The following ADAMDEC1 variants were observed in gnomAD, a reference collection of about 807,000 sequenced individuals.
The protein encoded by ADAMDEC1 is ADAM like decysin 1.
In ADAMDEC1, 62 loss-of-function variants were observed where a neutral mutation model predicts 60.4. The ratio of observed to expected loss-of-function variants is 1.03; its 90% CI spans 0.84 to 1.27. ADAMDEC1 has a LOEUF of 1.27. Ranked by LOEUF, ADAMDEC1 falls within the 50% of genes most tolerant of loss-of-function variation. The pLI is 0.00. For missense variants in ADAMDEC1, 595 were observed against 565.0 expected, an observed-to-expected ratio of 1.05 and a Z score of -0.54; for synonymous variants, 210 against 195.1, an observed-to-expected ratio of 1.08 and a Z score of -0.64.
At chr8:24,391,373 A>C (rs1423024568) in intron 1 of ADAMDEC1, among the ~76,000 whole-genome samples, 6 of 152,196 alleles carry the variant, frequency 3.9e-5, no homozygotes, top group Admixed American at 3.9e-4. Flanking sequence ...TAGGGTACTA[A>C]ATAATTTTAT....
chr8:24,392,228 A>G, intron 1 of ADAMDEC1, 34 bp from the exon 2 acceptor site: 1 of 1,517,706 alleles, frequency 6.6e-7, no homozygotes, highest in Non-Finnish European at 9.0e-7. Context: ...AAACCTTTAA[A>G]TCTTTTATGT....
In ADAMDEC1 at chr8:24,397,730, G is replaced by A. The variant is rs1239116099; in HGVS notation, c.675G>A (p.Val225=). The stretch of plus-strand genomic sequence containing the variant: ...AGAAATACATTGATCTCTATTTGGT[G>A]CTGGATAATGCCTTTGTGAGTATGA... The part of the protein sequence containing the change: ...RAQKYIDLYL[V]LDNAFYKNYN... The change falls in exon 7 of 14, where the codon GTG becomes GTA. Residue 225 remains valine, a synonymous_variant. Coordinates refer to ENST00000256412, the MANE Select transcript of ADAMDEC1 (RefSeq NM_014479.3). 6.2e-7 allele frequency: 1 copy of A among 1,613,342 alleles called. No homozygotes were observed. The highest frequency in any genetic ancestry group is 1.1e-5 in the South Asian group (1 of 90,958).
At chr8:24,404,812 A>C (rs1817849571) in intron 13 of ADAMDEC1, among the ~76,000 whole-genome samples, 1 of 152,204 alleles carries the variant, frequency 6.6e-6, no homozygotes, top group Non-Finnish European at 1.5e-5. Flanking sequence ...TTCATAGGGA[A>C]TGGATAGGCA....
At chr8:24,398,755 C>A in intron 8 of ADAMDEC1, 119 bp from the exon 9 acceptor site, 2 of 1,184,464 alleles carry the variant, frequency 1.7e-6, no homozygotes, top group Admixed American at 2.6e-5. Context: ...TTTTTACTTT[C>A]AAAATGGAAA....
At chr8:24,386,297 T>A (rs1817290228) in intron 1 of ADAMDEC1, among the ~76,000 whole-genome samples, 1 of 152,226 alleles carries the variant, frequency 6.6e-6, no homozygotes, top group African/African-American at 2.4e-5. Context: ...AAATTATTCT[T>A]CTTTCAATCT....
In ADAMDEC1 at chr8:24,400,255, A is replaced by T. The variant is rs140087766; in HGVS notation, c.1097A>T (p.Asn366Ile). ...CTTGGTATGCCTGATGTTCCATTCA[A>T]CACCAAGTGTCCCTCTGGCAGTTGT... ...HVLGMPDVPF[N>I]TKCPSGSCVM... Residue 366 changes from asparagine (N) to isoleucine (I), a missense_variant, in exon 11 of 14, where the codon AAC becomes ATC. Physicochemically the swap from Asn to Ile is moderately radical, Grantham distance 149. Transcript: ENST00000256412. 5.9e-5 allele frequency: 95 copies of T among 1,612,034 alleles called. No homozygotes were observed. Among genetic ancestry groups the T allele is most frequent in the African/African-American group, 4.5e-4 (34 of 74,976 alleles).
At position 24,394,098 on chromosome 8, in the gene ADAMDEC1, C is replaced by T; in HGVS notation, c.314C>T (p.Thr105Ile). The change falls in exon 4 of 14, where the codon ACA becomes ATA. Residue 105 changes from threonine (T) to isoleucine (I), a missense_variant. Transcript: ENST00000256412. The stretch of plus-strand genomic sequence containing the variant: ...CTCCTGGGGCCAGACTACACTGAAA[C>T]ATTGTACTCACCCAGAGGAGAGGAA... Reference protein sequence around the residue: ...KHLLGPDYTETLYSPRGEEIT... With the variant: ...KHLLGPDYTEILYSPRGEEIT... 6.2e-7 allele frequency: 1 copy of T among 1,613,524 alleles called. No homozygotes were observed. Among genetic ancestry groups the T allele is most frequent in the Non-Finnish European group, 8.5e-7 (1 of 1,179,570 alleles).
chr8:24,397,010 A>C (rs114118207), intron 5 of ADAMDEC1, among the ~76,000 whole-genome samples: 2,596 of 152,320 alleles, frequency 0.017, 78 homozygotes, highest in African/African-American at 0.06. Flanking sequence ...AATATTTACC[A>C]CGGTGCAAAT....
rs755449246 is a variant in ADAMDEC1 at position 24,393,318 on chromosome 8, T to C, written c.264T>C (p.Ile88=). 8 of 1,605,130 alleles carry C rather than the reference T, an allele frequency of 5.0e-6. No homozygotes were observed. In the Admixed American group the frequency reaches 5.1e-5, roughly 10 times the overall value. The change falls in exon 3 of 14, where the codon ATT becomes ATC. Residue 88 remains isoleucine (I), a synonymous_variant. Coordinates refer to ENST00000256412, the MANE Select transcript of ADAMDEC1 (RefSeq NM_014479.3). ...YQMILNGEEI[I]LSLQKTKHLL... The stretch of plus-strand genomic sequence containing the variant: ...TGATCTTAAATGGAGAAGAAATCAT[T>C]CTCTCCCTACAAAAAACCAAGTAAG...
In ADAMDEC1 at chr8:24,398,915, G is replaced by A. The variant is rs772161459; in HGVS notation, c.804G>A (p.Met268Ile). The A allele has an allele frequency of 1.8e-5, 29 of 1,613,768 alleles. No homozygotes were observed. The South Asian group carries it at 2.9e-4, about 16-fold the overall frequency. Residue 268 changes from methionine (M) to isoleucine (I), a missense_variant, in exon 9 of 14, where the codon ATG becomes ATA. By Grantham distance (10) the Met-to-Ile change is conservative (BLOSUM62 1). Transcript: ENST00000256412. Reference protein sequence around the residue: ...TIDVQVALVGMEIWSDGDKIK... With the variant: ...TIDVQVALVGIEIWSDGDKIK... Reference sequence around the variant, plus strand: ...ATGTTCAAGTGGCCTTGGTAGGTATGGAAATCTGGTCTGATGGGGATAAGA... The same window carrying A: ...ATGTTCAAGTGGCCTTGGTAGGTATAGAAATCTGGTCTGATGGGGATAAGA...
At position 24,404,106 on chromosome 8, in the gene ADAMDEC1, C is replaced by T. The variant is rs1464581919; in HGVS notation, c.1406+18C>T. 4 of 1,609,110 alleles carry T rather than the reference C, an allele frequency of 2.5e-6. No homozygotes were observed. Among genetic ancestry groups the T allele is most frequent in the Non-Finnish European group, 3.4e-6 (4 of 1,177,484 alleles). ...CATACCACGTAAGACCTTTTGTTTTCTTTGTTCCAAAACGTTTTCTCACGT... is the reference window on the plus strand; with the variant it reads ...CATACCACGTAAGACCTTTTGTTTTTTTTGTTCCAAAACGTTTTCTCACGT... On this transcript the variant is annotated intron_variant, in intron 13 of 13. Coordinates refer to ENST00000256412, the MANE Select transcript of ADAMDEC1 (RefSeq NM_014479.3).
In ADAMDEC1 at chr8:24,403,990, G is replaced by A; in HGVS notation, c.1321-13G>A. 1.2e-6 allele frequency: 2 copies of A among 1,610,372 alleles called. No individual in the cohort carries two copies. The highest frequency in any genetic ancestry group is 1.7e-6 in the Non-Finnish European group (2 of 1,177,574). On this transcript the variant is annotated splice_polypyrimidine_tract_variant and intron_variant, in intron 12 of 13. Transcript: ENST00000256412. ...TTGAACCCACCTTTTTCCATTGTGT[G>A]TGTGCTTTGAAGGAGTGTACCAATC...
At chr8:24,396,474 T>C (rs1817616211) in intron 5 of ADAMDEC1, among the ~76,000 whole-genome samples, 2 of 152,160 alleles carry the variant, frequency 1.3e-5, no homozygotes, top group African/African-American at 2.4e-5. Flanking sequence ...ATAGCTCCAC[T>C]GCACTCTAGC....
chr8:24,405,609 C>T lies in ADAMDEC1; in HGVS notation c.*311C>T. 3.2e-6 allele frequency: 1 copy of T among 315,406 alleles called. No individual in the cohort carries two copies. The highest frequency in any genetic ancestry group is 5.7e-6 in the Non-Finnish European group (1 of 174,060). 19.5% of individuals were successfully genotyped at this position (315,406 alleles called of 1,614,324 possible). A position where few individuals can be genotyped will look rare whatever the true frequency, so the allele number is the denominator to read the frequency against. On this transcript the variant is annotated 3_prime_UTR_variant, in exon 14 of 14. Transcript: ENST00000256412. ...TCTTCCATCAAATCACCTTAAAATG[C>T]ACGGCTAAACTATTCAGAGTTAACA...
intron 1 of ADAMDEC1, chr8:24,387,404 T>C (rs1409128461): frequency 3.9e-5 from 6 of 152,142 alleles, no homozygotes; most frequent in African/African-American, 9.7e-5. Flanking sequence ...CTTTTTAGGC[T>C]CTTCTGTGTA....
Position 24,397,708 on chromosome 8 carries a change from A to G in ADAMDEC1, c.653A>G (p.Lys218Arg), listed in dbSNP as rs1275103497. The change falls in exon 7 of 14, where the codon AAA becomes AGA. Residue 218 changes from lysine (K) to arginine (R), a missense_variant. Coordinates refer to ENST00000256412, the MANE Select transcript of ADAMDEC1 (RefSeq NM_014479.3). Reference sequence around the variant, plus strand: ...AAAGAAGACTTTCTTCGGGCACAGAAATACATTGATCTCTATTTGGTGCTG... The same window carrying G: ...AAAGAAGACTTTCTTCGGGCACAGAGATACATTGATCTCTATTTGGTGCTG... ...PEKEDFLRAQ[K>R]YIDLYLVLDN... 1 of 1,613,606 alleles carries G rather than the reference A, an allele frequency of 6.2e-7. No individual in the cohort carries two copies. Among genetic ancestry groups the G allele is most frequent in the East Asian group, 2.2e-5 (1 of 44,796 alleles).
chr8:24,394,253 T>C (rs1817548629), intron 4 of ADAMDEC1, 106 bp downstream of exon 4: 3 of 866,710 alleles, frequency 3.5e-6, no homozygotes, highest in Admixed American at 5.1e-5. Flanking sequence ...ATAAAATTCA[T>C]AGGTCCATGA....
Position 24,405,519 on chromosome 8 carries a change from T to TC in ADAMDEC1, c.*222dup, listed in dbSNP as rs573418638. Reference sequence around the variant, plus strand: ...TCTTTTTACTTTTTTTTTTCTTTTTTCTTTTTTTTTAAAGATCATGAATTT... The same window carrying TC: ...TCTTTTTACTTTTTTTTTTCTTTTTTCCTTTTTTTTTAAAGATCATGAATTT... On this transcript the variant is annotated 3_prime_UTR_variant, in exon 14 of 14. Coordinates refer to ENST00000256412, the MANE Select transcript of ADAMDEC1 (RefSeq NM_014479.3). The TC allele has an allele frequency of 4.1e-6, 2 of 490,776 alleles. No homozygotes were observed. Among genetic ancestry groups the TC allele is most frequent in the Non-Finnish European group, 7.1e-6 (2 of 281,296 alleles). The allele number at this position is 490,776 out of a possible 1,614,324, so 30.4% of individuals were successfully genotyped here. A position where few individuals can be genotyped will look rare whatever the true frequency, so the allele number is the denominator to read the frequency against.
Position 24,401,878 on chromosome 8 carries a change from T to C in ADAMDEC1, c.1143-37T>C, listed in dbSNP as rs767197568. 4.6e-6 allele frequency: 7 copies of C among 1,513,916 alleles called. No individual in the cohort carries two copies. The Admixed American group carries it at 1.1e-4, about 24-fold the overall frequency. The allele number at this position is 1,513,916 out of a possible 1,614,324, so 93.8% of individuals were successfully genotyped here. ...GTGTTTCACGCAGAAGGCACCACACTGTATATCATATTATTTGAGTTTTCT... is the reference window on the plus strand; with the variant it reads ...GTGTTTCACGCAGAAGGCACCACACCGTATATCATATTATTTGAGTTTTCT... On this transcript the variant is annotated intron_variant, in intron 11 of 13. Coordinates refer to ENST00000256412, the MANE Select transcript of ADAMDEC1 (RefSeq NM_014479.3).
Sources: allele counts gnomAD v4.1 joint callset (sites outside exome capture counted in the v4.1 genomes callset), GRCh38; gene constraint gnomAD v4.1.1; transcripts MANE v1.5; gene names NCBI Gene and HGNC (gene_info 2026-07-23, HGNC 2026-07-21).